DMD: variants seen among roughly 807,000 people sequenced by gnomAD.
DMD encodes mutant dystrophin.
A neutral mutation model predicts 330.1 loss-of-function variants in DMD; 63 were observed. The observed-to-expected ratio is 0.19, with a 90% CI of 0.16 to 0.24. The LOEUF is 0.24. Among genes scored for constraint, DMD ranks in the 10% least tolerant of loss-of-function variants. The pLI is 1.00. For missense variants in DMD, 3,344 were observed against 2,684.1 expected, an observed-to-expected ratio of 1.25 and a Z score of -5.43; for synonymous variants, 1,223 against 959.8, an observed-to-expected ratio of 1.27 and a Z score of -5.07.
chrX:32,279,828 G>C (rs1311732517), intron 43 of DMD, among the ~76,000 whole-genome samples: 2 of 109,000 alleles, frequency 1.8e-5, no homozygotes, highest in African/African-American at 3.3e-5. Flanking sequence ...CAATTTTACT[G>C]TTTGTAAAAC....
chrX:32,739,962 T>C (rs1188392314), intron 7 of DMD, among the ~76,000 whole-genome samples: 1 of 110,487 alleles, frequency 9.1e-6, no homozygotes, highest in Non-Finnish European at 1.9e-5. Flanking sequence ...GTGGTTGCCA[T>C]TAAGTCTATT....
At chrX:32,879,711 C>G (rs936149771) in intron 2 of DMD, among the ~76,000 whole-genome samples, 21 of 111,396 alleles carry the variant, frequency 1.9e-4, no homozygotes, top group African/African-American at 5.2e-4. Context: ...TCCAGTTCAA[C>G]AGGCTGGGTG....
chrX:32,736,387 C>T (rs181778833), intron 7 of DMD, among the ~76,000 whole-genome samples: 2 of 111,051 alleles, frequency 1.8e-5, no homozygotes, highest in South Asian at 3.8e-4. Flanking sequence ...AACTAGAAAT[C>T]GCATTTGACC....
chrX:32,873,139 CTGT>C (rs2149155237), intron 2 of DMD, among the ~76,000 whole-genome samples: 1 of 111,182 alleles, frequency 9.0e-6, no homozygotes, highest in South Asian at 3.8e-4. Context: ...TAACCCAGGC[CTGT>C]AGGTCCTCAG....
chrX:32,437,992 C>T (rs1389352852), intron 29 of DMD, among the ~76,000 whole-genome samples: 3 of 111,824 alleles, frequency 2.7e-5, no homozygotes, highest in South Asian at 7.4e-4. Context: ...AGGAAAAGAA[C>T]TCTGTGGTCA....
At chrX:33,148,007 T>G (rs943173754) in intron 1 of DMD, among the ~76,000 whole-genome samples, 1 of 111,901 alleles carries the variant, frequency 8.9e-6, no homozygotes, top group African/African-American at 3.2e-5. Context: ...AAAGTTCATG[T>G]TGCACTTGTT....
intron 17 of DMD, among the ~76,000 whole-genome samples, chrX:32,523,004 C>T (rs1206015211): frequency 8.9e-6 from 1 of 111,778 alleles, no homozygotes; most frequent in Non-Finnish European, 1.9e-5. Flanking sequence ...AGAAAGATTG[C>T]TCACTTCTAC....
At chrX:31,135,039 A>C (rs1228515483) in intron 76 of DMD, among the ~76,000 whole-genome samples, 1 of 112,089 alleles carries the variant, frequency 8.9e-6, no homozygotes, top group Non-Finnish European at 1.9e-5. Context: ...AAACAAAAAA[A>C]CAAAAAAACA....
intron 17 of DMD, 78 bp from the exon 18 acceptor site, chrX:32,518,209 T>G: frequency 3.0e-6 from 3 of 988,757 alleles, no homozygotes; most frequent in Non-Finnish European, 4.2e-6. Context: ...TTTATCCACA[T>G]TTATCATTCT....
intron 7 of DMD, among the ~76,000 whole-genome samples, chrX:32,727,722 T>C (rs1262500370): frequency 9.0e-6 from 1 of 111,026 alleles, no homozygotes; most frequent in Non-Finnish European, 1.9e-5. Flanking sequence ...GTTTCTATGA[T>C]GTATATATAC....
chrX:32,970,267 G>A lies in DMD; in HGVS notation c.93+49872C>T, dbSNP rs1246184419. Among the ~76,000 whole-genome samples the A allele has an allele frequency of 2.1e-5, 2 of 94,204 alleles. 1 individual carries two copies. Among genetic ancestry groups the A allele is most frequent in the African/African-American group, 9.6e-5 (2 of 20,839 alleles). 81.8% of individuals were successfully genotyped at this position (94,204 alleles called of 115,157 possible). A position where few individuals can be genotyped will look rare whatever the true frequency, so the allele number is the denominator to read the frequency against. The stretch of plus-strand genomic sequence containing the variant: ...CCTATTTGATAGCACAACAGGGTAA[G>A]TATAGTCAATAATAACTTAATTGTA... On this transcript the variant is annotated intron_variant, in intron 2 of 78. Transcript: ENST00000357033.
intron 2 of DMD, among the ~76,000 whole-genome samples, chrX:32,899,055 C>G (rs770626535): frequency 1.3e-4 from 15 of 111,988 alleles, no homozygotes; most frequent in Non-Finnish European, 1.3e-4. Context: ...ACATACAACT[C>G]CAGATTCTTA....
intron 74 of DMD, among the ~76,000 whole-genome samples, chrX:31,159,233 T>C (rs1320015863): frequency 1.8e-5 from 2 of 111,550 alleles, no homozygotes; most frequent in Non-Finnish European, 3.8e-5. Flanking sequence ...AAACAAACCT[T>C]ACTCGAAGGC....
At chrX:32,505,414 T>C (rs746382201) in intron 18 of DMD, among the ~76,000 whole-genome samples, 15 of 112,202 alleles carry the variant, frequency 1.3e-4, no homozygotes, top group African/African-American at 4.9e-4. Context: ...AATGAAAATA[T>C]GTTTCACATC....
chrX:32,954,150 AC>A (rs766441725), intron 2 of DMD, among the ~76,000 whole-genome samples: 186 of 112,286 alleles, frequency 1.7e-3, no homozygotes, highest in Non-Finnish European at 2.8e-3. Flanking sequence ...CGAATTTAAG[AC>A]CTTTGTGGAC....
At chrX:32,819,860 A>G (rs1420448615) in intron 5 of DMD, among the ~76,000 whole-genome samples, 2 of 110,332 alleles carry the variant, frequency 1.8e-5, no homozygotes, top group South Asian at 3.8e-4. Context: ...AAAAAAAAAA[A>G]AAAAAAGAAA....
At chrX:31,339,649 C>T (rs34011235) in intron 61 of DMD, among the ~76,000 whole-genome samples, 6,046 of 111,863 alleles carry the variant, frequency 0.054, 149 homozygotes, top group African/African-American at 0.091. Context: ...AATCTCGGCT[C>T]ACTGCAACCT....
chrX:32,320,858 C>G (rs999307956), intron 41 of DMD, among the ~76,000 whole-genome samples: 1 of 111,410 alleles, frequency 9.0e-6, no homozygotes, highest in Non-Finnish European at 1.9e-5. Context: ...TCAGAAAATA[C>G]TTGTAGCCTA....
At chrX:32,764,670 T>G (rs1483984377) in intron 7 of DMD, among the ~76,000 whole-genome samples, 1 of 112,320 alleles carries the variant, frequency 8.9e-6, no homozygotes, top group Non-Finnish European at 1.9e-5. Context: ...TACCACATTT[T>G]GTTTATCCAT....
Sources: gnomAD v4.1 joint callset for allele counts (sites outside exome capture counted in the v4.1 genomes callset) on GRCh38, gnomAD v4.1.1 for gene constraint, MANE v1.5 for transcripts, NCBI Gene and HGNC (gene_info 2026-07-23, HGNC 2026-07-21) for gene names.